SYTL2: variants seen among roughly 807,000 people sequenced by gnomAD.
SYTL2 encodes the protein synaptotagmin like 2.
A neutral mutation model predicts 198.7 loss-of-function variants in SYTL2; 165 were observed. The observed-to-expected ratio is 0.83, with a 90% CI of 0.73 to 0.94. The LOEUF (loss-of-function observed/expected upper bound fraction) is 0.94. SYTL2 is among the 40% of genes least tolerant of loss of function. The probability of loss-of-function intolerance (pLI) is 0.00; values close to 1 mark genes in which losing one functional copy is unlikely to be tolerated. For missense variants in SYTL2, 2,835 were observed against 2,582.8 expected, an observed-to-expected ratio of 1.10 and a Z score of -2.12; for synonymous variants, 966 against 917.7, an observed-to-expected ratio of 1.05 and a Z score of -0.95.
chr11:85,696,152 C>T (rs758361167), intron 19 of SYTL2, 31 bp downstream of exon 19: 15 of 1,603,406 alleles, frequency 9.4e-6, no homozygotes, highest in Non-Finnish European at 1.2e-5. Context: ...AAATTTGGCT[C>T]ATGGAGAATT....
chr11:85,728,538 G>T lies in SYTL2; in HGVS notation c.1391-571C>A, dbSNP rs375131203. On this transcript the variant is annotated intron_variant, in intron 7 of 19. Coordinates refer to ENST00000359152, the MANE Select transcript of SYTL2 (RefSeq NM_206927.4). Reference sequence around the variant, plus strand: ...CTGACCTCATGATCCACTCACCTCAGCCTCCGAAAGTGCTGGGATTACAGT... The same window carrying T: ...CTGACCTCATGATCCACTCACCTCATCCTCCGAAAGTGCTGGGATTACAGT... Among the ~76,000 whole-genome samples the T allele has an allele frequency of 2.1e-3, 312 of 152,162 alleles. 4 individuals are homozygous for T. Among genetic ancestry groups the T allele is most frequent in the Middle Eastern group, 0.017 (5 of 294 alleles).
In SYTL2 at chr11:85,726,872, G is replaced by T; in HGVS notation, c.2486C>A (p.Pro829His). Residue 829 changes from proline to histidine, a missense_variant, in exon 8 of 20, where the codon CCT becomes CAT. This residue lies in a region of SYTL2 where 2,645 missense variants were observed against 2,381.7 expected (regional missense o/e 1.11). Coordinates refer to ENST00000359152, the MANE Select transcript of SYTL2 (RefSeq NM_206927.4). ...QEQPSAKAYQ[P>H]VKKSQGVSSM... ...TGATACACCCTGTGACTTCTTCACA[G>T]GCTGATATGCTTTAGCAGAAGGTTG... 1 of 1,536,672 alleles carries T rather than the reference G, an allele frequency of 6.5e-7. No homozygotes were observed. The highest frequency in any genetic ancestry group is 8.7e-7 in the Non-Finnish European group (1 of 1,147,018).
chr11:85,740,067 A>G (rs2090668078), intron 4 of SYTL2, among the ~76,000 whole-genome samples: 1 of 152,170 alleles, frequency 6.6e-6, no homozygotes, highest in Non-Finnish European at 1.5e-5. Context: ...GGAGTGGTCC[A>G]AAATGCAACT....
In SYTL2 at chr11:85,705,879, C is replaced by A. The variant is rs552669787; in HGVS notation, c.6019-851G>T. ...ATCATAGTCAAACTGTAATTAAAAA[C>A]TTGGTACAAAAATTCTACAGGTGGT... On this transcript the variant is annotated intron_variant, in intron 15 of 19. Coordinates refer to ENST00000359152, the MANE Select transcript of SYTL2 (RefSeq NM_206927.4). Among the ~76,000 whole-genome samples the A allele has an allele frequency of 9.8e-5, 15 of 152,306 alleles. No homozygotes were observed. The East Asian group carries it at 2.9e-3, about 29-fold the overall frequency.
the SYTL2 span, among the ~76,000 whole-genome samples, chr11:85,849,767 C>T: frequency 5.2e-3 from 762 of 146,270 alleles, 2 homozygotes; most frequent in Middle Eastern, 0.01. Context: ...CTTGGCGATG[C>T]GGGCTCTTTT....
chr11:85,759,979 C>A (rs1343222305), intron 1 of SYTL2, among the ~76,000 whole-genome samples: 1 of 152,166 alleles, frequency 6.6e-6, no homozygotes, highest in Non-Finnish European at 1.5e-5. Flanking sequence ...CATGTTCCCA[C>A]CAGAGTAAGC....
At position 85,738,973 on chromosome 11, in the gene SYTL2, T is replaced by A. The variant is rs2090575266; in HGVS notation, c.390-1317A>T. On this transcript the variant is annotated intron_variant, in intron 4 of 19. Transcript: ENST00000359152. The stretch of plus-strand genomic sequence containing the variant: ...AGGCCGCCAGCCTCAACAGCCCATA[T>A]TGCAAATCATGTAGTCCCTACCTCC... 2.6e-5 allele frequency among the ~76,000 whole-genome samples: 4 copies of A among 152,172 alleles called. No homozygotes were observed. The South Asian group carries it at 8.3e-4, about 32-fold the overall frequency.
At chr11:85,699,058 T>C (rs2083853436) in intron 17 of SYTL2, among the ~76,000 whole-genome samples, 1 of 152,236 alleles carries the variant, frequency 6.6e-6, no homozygotes, top group Admixed American at 6.5e-5. Context: ...CTCTATGCTA[T>C]GCTAGGAACA....
At chr11:85,807,116 C>T (rs537055092) in intron 1 of SYTL2, among the ~76,000 whole-genome samples, 1 of 152,380 alleles carries the variant, frequency 6.6e-6, no homozygotes, top group Admixed American at 6.5e-5. Flanking sequence ...CAAGTCAAGA[C>T]AGCTCCCAGG....
chr11:85,737,986 T>G (rs2090487979), intron 4 of SYTL2, among the ~76,000 whole-genome samples: 1 of 152,192 alleles, frequency 6.6e-6, no homozygotes, highest in Non-Finnish European at 1.5e-5. Context: ...CCAGTGGTCT[T>G]GCCTCAGGCA....
intron 1 of SYTL2, among the ~76,000 whole-genome samples, chr11:85,790,920 T>G (rs1005811739): frequency 2.0e-5 from 3 of 151,942 alleles, no homozygotes; most frequent in African/African-American, 7.3e-5. Flanking sequence ...TCCCAACATT[T>G]TGGGAGGCTG....
At chr11:85,735,306 TACAG>T (rs1290086361) in intron 6 of SYTL2, among the ~76,000 whole-genome samples, 2 of 152,076 alleles carry the variant, frequency 1.3e-5, no homozygotes, top group Admixed American at 1.3e-4. Context: ...TTACACCCAA[TACAG>T]AAAGTTTTTT....
intron 1 of SYTL2, among the ~76,000 whole-genome samples, chr11:85,760,517 G>T (rs1010776101): frequency 6.6e-6 from 1 of 152,032 alleles, no homozygotes; most frequent in Non-Finnish European, 1.5e-5. Flanking sequence ...TTTCTTTCAC[G>T]TGCAGTAACT....
the SYTL2 span, among the ~76,000 whole-genome samples, chr11:85,848,334 CT>C: frequency 1.1e-4 from 16 of 150,408 alleles, no homozygotes; most frequent in Admixed American, 3.3e-4. Context: ...AGTTCAAGTT[CT>C]TTTTTTCTTT....
intron 19 of SYTL2, among the ~76,000 whole-genome samples, chr11:85,695,563 A>G (rs559892242): frequency 3.9e-5 from 6 of 152,268 alleles, no homozygotes; most frequent in African/African-American, 1.4e-4. Context: ...TTTTTCTTCA[A>G]GTTAATGTAA....
In SYTL2 at chr11:85,726,482, A is replaced by C; in HGVS notation, c.2876T>G (p.Phe959Cys). 1.9e-6 allele frequency: 3 copies of C among 1,610,830 alleles called. No individual in the cohort carries two copies. Among genetic ancestry groups the C allele is most frequent in the Middle Eastern group, 1.6e-4 (1 of 6,062 alleles). ...RPLVRESNAN[F>C]KVMSLKERMD... ...TCTTTCTTTTAGGGACATAACTTTA[A>C]AGTTGGCATTTGATTCACGAACTAG... The change falls in exon 8 of 20, where the codon TTT (phenylalanine) becomes TGT (cysteine). Residue 959 changes from phenylalanine (F) to cysteine (C), a missense_variant. By Grantham distance (205) the Phe-to-Cys change is radical. This residue lies in a region of SYTL2 where 2,645 missense variants were observed against 2,381.7 expected (regional missense o/e 1.11). Coordinates refer to ENST00000359152, the MANE Select transcript of SYTL2 (RefSeq NM_206927.4).
chr11:85,782,129 C>A (rs1012588840), intron 1 of SYTL2, among the ~76,000 whole-genome samples: 1 of 152,244 alleles, frequency 6.6e-6, no homozygotes, highest in East Asian at 1.9e-4. Context: ...CAGGCATTTC[C>A]ACACATCCTC....
At chr11:85,837,006 C>A in the SYTL2 span, among the ~76,000 whole-genome samples, 24,018 of 152,184 alleles carry the variant, frequency 0.16, 2,073 homozygotes, top group Middle Eastern at 0.2. Flanking sequence ...GGTTTCAACC[C>A]TTTGCTCCTT....
the SYTL2 span, chr11:85,854,152 A>AGCC: frequency 6.6e-6 from 1 of 152,198 alleles, no homozygotes; most frequent in South Asian, 2.1e-4. Flanking sequence ...TACAAGCATG[A>AGCC]GCCACCGCGC....
Sources: gnomAD v4.1 joint callset for allele counts (sites outside exome capture counted in the v4.1 genomes callset) on GRCh38, gnomAD v4.1.1 for gene constraint, gnomAD v4.1.1 regional missense constraint, MANE v1.5 for transcripts, NCBI Gene and HGNC (gene_info 2026-07-23, HGNC 2026-07-21) for gene names.